The following DNAH17 variants were observed in gnomAD, a reference collection of about 807,000 sequenced individuals.
The protein encoded by DNAH17 is axonemal beta dynein heavy chain 17.
In DNAH17, 376 loss-of-function variants were observed where a neutral mutation model predicts 485.6. The ratio of observed to expected loss-of-function variants is 0.77; its 90% CI spans 0.71 to 0.84. The LOEUF (loss-of-function observed/expected upper bound fraction) is 0.84, where lower values mean the gene tolerates loss of function less well. Ranked by LOEUF, DNAH17 falls within the 40% of genes least tolerant of loss-of-function variation. The probability of loss-of-function intolerance (pLI) is 0.00; values close to 1 mark genes in which losing one functional copy is unlikely to be tolerated. For synonymous variants in DNAH17, 3,031 were observed against 2,405.9 expected, an observed-to-expected ratio of 1.26 and a Z score of -7.60; for missense variants, 6,370 against 5,839.3, an observed-to-expected ratio of 1.09 and a Z score of -2.96.
At position 78,426,970 on chromosome 17, in the gene DNAH17, T is replaced by A; in HGVS notation, c.12727A>T (p.Asn4243Tyr). 6.2e-7 allele frequency: 1 copy of A among 1,610,934 alleles called. No individual in the cohort carries two copies. The highest frequency in any genetic ancestry group is 8.5e-7 in the Non-Finnish European group (1 of 1,178,618). The change falls in exon 78 of 81, where the codon AAC (asparagine) becomes TAC (tyrosine). Residue 4243 changes from asparagine (N) to tyrosine (Y), a missense_variant. By Grantham distance (143) the Asn-to-Tyr change is moderately radical. Transcript: ENST00000389840. ...TCCTTGAGCGAACGGCGCATTTCGT[T>A]GGTCAGGATGTTCATTCTTTCACAT... is the stretch of plus-strand genomic sequence containing the variant. ...QECERMNILT[N>Y]EMRRSLKELN...
rs2086587368 is a variant in DNAH17, at chr17:78,429,168, C to T, written c.12358G>A (p.Val4120Ile). Residue 4120 changes from valine (V) to isoleucine (I), a missense_variant, in exon 76 of 81, where the codon GTC (valine) becomes ATC (isoleucine). Physicochemically the swap from Val to Ile is conservative, Grantham distance 29. Coordinates refer to ENST00000389840, the MANE Select transcript of DNAH17 (RefSeq NM_173628.4). ...ATCTGAAAGCCGGGGGCCAGCAGGA[C>T]GTCTCCCTCCAGCATCTCCGTCCGG... ...YIRTEMLEGD[V>I]LLAPGFQIPP... 8 of 1,613,736 alleles carry T rather than the reference C, an allele frequency of 5.0e-6. No individual in the cohort carries two copies. Among genetic ancestry groups the T allele is most frequent in the South Asian group, 1.1e-5 (1 of 91,082 alleles).
rs762789744 is a variant in DNAH17, at chr17:78,561,876, A to G, written c.1674T>C (p.Asn558=). The G allele has an allele frequency of 6.2e-7, 1 of 1,613,882 alleles. No homozygotes were observed. The highest frequency in any genetic ancestry group is 8.5e-7 in the Non-Finnish European group (1 of 1,179,854). ...MLELFDAELD[N]AKILYDAQMA... ...TCTGGGCATCGTACAAGATCTTAGC[A>G]TTGTCTAGCTCAGCGTCAAACAGCT... The change falls in exon 12 of 81, where the codon AAT becomes AAC. Residue 558 remains asparagine, a synonymous_variant. Coordinates refer to ENST00000389840, the MANE Select transcript of DNAH17 (RefSeq NM_173628.4).
At chr17:78,498,944 T>G in intron 37 of DNAH17, 64 bp downstream of exon 37, 1 of 1,307,852 alleles carries the variant, frequency 7.6e-7, no homozygotes, top group Admixed American at 2.3e-5. Context: ...GCGTGTGAGG[T>G]CACAGGAAAG....
intron 9 of DNAH17, 78 bp from the exon 10 acceptor site, chr17:78,567,244 C>A (rs910106211): frequency 4.0e-6 from 6 of 1,500,264 alleles, no homozygotes; most frequent in Non-Finnish European, 5.4e-6. Flanking sequence ...AGCTCTGACC[C>A]CAGGCAGGAG....
At chr17:78,544,817 A>AAAAAG (rs2091710415) in intron 16 of DNAH17, among the ~76,000 whole-genome samples, 1 of 146,922 alleles carries the variant, frequency 6.8e-6, no homozygotes, top group African/African-American at 2.5e-5. Flanking sequence ...AAAAAAAAAA[A>AAAAAG]AAAAAAAGGT....
rs575051306 is a variant in DNAH17, at chr17:78,513,217, C to T, written c.4113+1557G>A. On this transcript the variant is annotated intron_variant, in intron 26 of 80. Transcript: ENST00000389840. Reference sequence around the variant, plus strand: ...CCCCCCTCCCTTTGGGATTCAGGCACAGCTGACCAGCATTAACATCAACAC... The same window carrying T: ...CCCCCCTCCCTTTGGGATTCAGGCATAGCTGACCAGCATTAACATCAACAC... Among the ~76,000 whole-genome samples the T allele has an allele frequency of 5.3e-5, 8 of 152,226 alleles. 1 individual carries two copies. The Middle Eastern group carries it at 0.01, about 194-fold the overall frequency.
In DNAH17 at chr17:78,486,071, G is replaced by C. The variant is rs768449383; in HGVS notation, c.7164C>G (p.Phe2388Leu). The C allele has an allele frequency of 1.9e-6, 3 of 1,613,948 alleles. No individual in the cohort carries two copies. The highest frequency in any genetic ancestry group is 2.7e-5 in the African/African-American group (2 of 75,042). The change falls in exon 46 of 81, where the codon TTC (phenylalanine) becomes TTG (leucine). Residue 2388 changes from phenylalanine (F) to leucine (L), a missense_variant. Phe to Leu is a conservative substitution (Grantham distance 22). Transcript: ENST00000389840. ...WWINEFKTIK[F>L]PSQGTIFDYY... is the part of the protein sequence containing the mutation. ...AGTCAAAAATCGTTCCCTGCGAGGG[G>C]AACTTGATAGTCTTGAATTCGTTGA...
chr17:78,455,850 A>G lies in DNAH17; in HGVS notation c.9978-14T>C, dbSNP rs748514060. The G allele has an allele frequency of 6.3e-7, 1 of 1,575,624 alleles. No homozygotes were observed. The highest frequency in any genetic ancestry group is 1.2e-5 in the South Asian group (1 of 86,038). On this transcript the variant is annotated splice_polypyrimidine_tract_variant and intron_variant, in intron 62 of 80. Transcript: ENST00000389840. ...CCCCCGACCAGCCTAAAGTGGGATG[A>G]GAGAGAATAAAACATATTTGCACAA...
intron 60 of DNAH17, 96 bp from the exon 61 acceptor site, chr17:78,459,304 T>A: frequency 8.4e-7 from 1 of 1,194,970 alleles, no homozygotes; most frequent in African/African-American, 1.5e-5. Context: ...GTGGCACAGC[T>A]CTGGAGGGGC....
At chr17:78,491,783 C>T (rs941804694) in intron 42 of DNAH17, among the ~76,000 whole-genome samples, 7 of 152,190 alleles carry the variant, frequency 4.6e-5, no homozygotes, top group African/African-American at 1.7e-4. Flanking sequence ...GAGGCCCTGC[C>T]TGTCCTCCTC....
At chr17:78,454,406 G>T in intron 64 of DNAH17, 64 bp downstream of exon 64, 1 of 1,334,792 alleles carries the variant, frequency 7.5e-7, no homozygotes, top group Non-Finnish European at 1.0e-6. Flanking sequence ...AACCAATATG[G>T]AATGCCTAAG....
Position 78,576,589 on chromosome 17 carries a change from G to T in DNAH17, c.-26+706C>A, listed in dbSNP as rs73999137. On this transcript the variant is annotated intron_variant, in intron 1 of 80. Coordinates refer to ENST00000389840, the MANE Select transcript of DNAH17 (RefSeq NM_173628.4). Reference sequence around the variant, plus strand: ...TCTCCACCCAGGATCTCCGAGACCCGGGGACGCGTCACGTCGTCATTTCCT... The same window carrying T: ...TCTCCACCCAGGATCTCCGAGACCCTGGGACGCGTCACGTCGTCATTTCCT... Among the ~76,000 whole-genome samples the T allele has an allele frequency of 4.3e-3, 649 of 152,232 alleles. 4 individuals are homozygous for T. Among genetic ancestry groups the T allele is most frequent in the African/African-American group, 0.014 (595 of 41,532 alleles).
In DNAH17 at chr17:78,552,704, A is replaced by G. The variant is rs760930522; in HGVS notation, c.2280T>C (p.Asn760=). The G allele has an allele frequency of 1.9e-6, 3 of 1,613,454 alleles. No individual in the cohort carries two copies. The African/African-American group carries it at 4.0e-5, about 22-fold the overall frequency. ...LLSAETTLFW[N]GEGVFQYIQE... The stretch of plus-strand genomic sequence containing the variant: ...GGAATGTGGCCTCCGTACCTTCGCC[A>G]TTCCAGAATAATGTCGTTTCAGCGC... The change falls in exon 15 of 81, where the codon AAT becomes AAC. Residue 760 remains asparagine (N), a synonymous_variant. Coordinates refer to ENST00000389840, the MANE Select transcript of DNAH17 (RefSeq NM_173628.4).
rs901003289 is a variant in DNAH17 at position 78,507,793 on chromosome 17, G to C, written c.4249C>G (p.Leu1417Val). 1 of 1,571,520 alleles carries C rather than the reference G, an allele frequency of 6.4e-7. No homozygotes were observed. Among genetic ancestry groups the C allele is most frequent in the African/African-American group, 1.3e-5 (1 of 74,438 alleles). The part of the protein sequence containing the change: ...ESGMEKVLKA[L>V]DSTWSMMEFQ... ...TCCATCATGCTCCAGGTACTGTCCA[G>C]GGCTTTCAGCACCTTTTGGGGGAAC... is the stretch of plus-strand genomic sequence containing the variant. Residue 1417 changes from leucine (L) to valine (V), a missense_variant, in exon 28 of 81, where the codon CTG becomes GTG. By Grantham distance (32) the Leu-to-Val change is conservative. Transcript: ENST00000389840.
rs2086234648 is a variant in DNAH17, at chr17:78,423,935, C to T, written c.13360G>A (p.Ala4454Thr). Residue 4454 changes from alanine to threonine, a missense_variant, in exon 81 of 81, where the codon GCA (alanine) becomes ACA (threonine). Coordinates refer to ENST00000389840, the MANE Select transcript of DNAH17 (RefSeq NM_173628.4). ...ACCTGTAGGAGCAGCGCCACGGCTGCCAGGATCCACTTCGCTGCCTTCTCT... is the reference window on the plus strand; with the variant it reads ...ACCTGTAGGAGCAGCGCCACGGCTGTCAGGATCCACTTCGCTGCCTTCTCT... ...TKEKAAKWIL[A>T]AVALLLQV 6.2e-7 allele frequency: 1 copy of T among 1,613,820 alleles called. No homozygotes were observed. Among genetic ancestry groups the T allele is most frequent in the African/African-American group, 1.3e-5 (1 of 74,922 alleles).
chr17:78,558,089 T>C lies in DNAH17; in HGVS notation c.2178+19A>G. ...CAATACAAAGCTGCATCAGGAATAG[T>C]ACCGACTCACCAACTCACCTCATTA... On this transcript the variant is annotated intron_variant, in intron 14 of 80. Transcript: ENST00000389840. The C allele has an allele frequency of 6.2e-7, 1 of 1,608,358 alleles. No individual in the cohort carries two copies. Among genetic ancestry groups the C allele is most frequent in the Non-Finnish European group, 8.5e-7 (1 of 1,176,618 alleles).
chr17:78,460,362 G>GTATT, intron 58 of DNAH17, 105 bp from the exon 59 acceptor site: 1 of 934,006 alleles, frequency 1.1e-6, no homozygotes, highest in Non-Finnish European at 1.6e-6. Context: ...GTGCATGTAT[G>GTATT]CACGTGCATG....
intron 71 of DNAH17, among the ~76,000 whole-genome samples, chr17:78,443,990 C>T (rs924233573): frequency 6.6e-5 from 10 of 152,210 alleles, no homozygotes; most frequent in African/African-American, 1.9e-4. Flanking sequence ...ACGTCACCTC[C>T]TTCCTTCAAC....
intron 14 of DNAH17, among the ~76,000 whole-genome samples, chr17:78,553,283 GTTTTTTTTTTT>G (rs60587420): frequency 2.7e-4 from 14 of 51,034 alleles, no homozygotes; most frequent in Non-Finnish European, 4.8e-4. Flanking sequence ...AGGTTTTTGT[GTTTTTTTTTTT>G]TTTTTTTTTT....
Sources: gnomAD v4.1 joint callset for allele counts (sites outside exome capture counted in the v4.1 genomes callset) on GRCh38, gnomAD v4.1.1 for gene constraint, MANE v1.5 for transcripts, NCBI Gene and HGNC (gene_info 2026-07-23, HGNC 2026-07-21) for gene names.